The following NFATC2 variants were observed in gnomAD, a reference collection of about 807,000 sequenced individuals.
NFATC2 encodes the protein nuclear factor of activated T-cells, cytoplasmic 2.
NFATC2 carries 22 observed loss-of-function variants against 87.3 expected under a neutral mutation model. The observed-to-expected ratio is 0.25, with a 90% CI of 0.18 to 0.36. The LOEUF (loss-of-function observed/expected upper bound fraction) is 0.36. Among genes scored for constraint, NFATC2 ranks in the 10% least tolerant of loss-of-function variants. The pLI is 1.00. For synonymous variants in NFATC2, 565 were observed against 542.2 expected (o/e 1.04, Z -0.58); for missense variants, 1,149 against 1,259.1 (o/e 0.91, Z 1.32).
intron 9 of NFATC2, among the ~76,000 whole-genome samples, chr20:51,424,980 A>G (rs531054554): frequency 1.6e-4 from 24 of 152,232 alleles, no homozygotes; most frequent in African/African-American, 5.5e-4. Flanking sequence ...TGGCCCTGCA[A>G]AGGGCTATGG....
chr20:51,531,118 G>A (rs922551490), intron 1 of NFATC2, among the ~76,000 whole-genome samples: 9 of 152,152 alleles, frequency 5.9e-5, no homozygotes, highest in African/African-American at 1.4e-4. Flanking sequence ...CCCTCTCCCC[G>A]TTGTGGCAAC....
At chr20:51,509,455 C>T (rs565570938) in intron 3 of NFATC2, among the ~76,000 whole-genome samples, 28 of 152,128 alleles carry the variant, frequency 1.8e-4, no homozygotes, top group Non-Finnish European at 3.1e-4. Context: ...GATCTCAGAA[C>T]ATTCTCCTCC....
intron 9 of NFATC2, among the ~76,000 whole-genome samples, chr20:51,408,885 G>C (rs565895604): frequency 1.3e-5 from 2 of 152,304 alleles, no homozygotes; most frequent in East Asian, 3.9e-4. Flanking sequence ...TTCTAATTCA[G>C]CAGGACTGGG....
In NFATC2 at chr20:51,523,152, C is replaced by G. The variant is rs115260036; in HGVS notation, c.1089G>C (p.Ser363=). The G allele has an allele frequency of 6.2e-7, 1 of 1,614,120 alleles. No homozygotes were observed. The highest frequency in any genetic ancestry group is 8.5e-7 in the Non-Finnish European group (1 of 1,180,058). Residue 363 remains serine (S), a synonymous_variant, in exon 2 of 11, where the codon TCG becomes TCC. Coordinates refer to ENST00000371564, the MANE Select transcript of NFATC2 (RefSeq NM_012340.5). The surrounding 1 kb of genome is among the most constrained non-coding windows in gnomAD (Gnocchi z 6.9). ...GAACCAGCAGGATGGATTCTGGAGC[C>G]GAGTTTCTCCTCTCGCCCTGCTCGC... ...GPCEQGERRN[S]APESILLVPP...
chr20:51,472,827 G>C (rs927463196), intron 5 of NFATC2, among the ~76,000 whole-genome samples: 4 of 152,016 alleles, frequency 2.6e-5, no homozygotes, highest in Admixed American at 6.6e-5. Flanking sequence ...TAGAGATGGG[G>C]TTTCACCATG....
chr20:51,540,268 C>T (rs2076785238), intron 1 of NFATC2, among the ~76,000 whole-genome samples: 1 of 152,140 alleles, frequency 6.6e-6, no homozygotes, highest in Non-Finnish European at 1.5e-5. Context: ...CCGCCTCAGC[C>T]TCCCAAAGTG....
intron 9 of NFATC2, among the ~76,000 whole-genome samples, chr20:51,415,617 C>T (rs942632219): frequency 3.5e-4 from 54 of 152,292 alleles, no homozygotes; most frequent in African/African-American, 1.2e-3. Flanking sequence ...TGGGCCAGCA[C>T]ACCTCTAAAG....
At chr20:51,420,973 A>T (rs1295124996) in intron 9 of NFATC2, among the ~76,000 whole-genome samples, 1 of 151,708 alleles carries the variant, frequency 6.6e-6, no homozygotes, top group Non-Finnish European at 1.5e-5. Context: ...AGGCAGGAAG[A>T]TTGTTTGAGC....
intron 1 of NFATC2, among the ~76,000 whole-genome samples, chr20:51,526,050 A>G (rs2076540899): frequency 6.6e-6 from 1 of 151,462 alleles, no homozygotes; most frequent in Admixed American, 6.6e-5. Flanking sequence ...TCCCCGCGAG[A>G]TCCTCCCACT....
chr20:51,466,304 C>G (rs138309338), intron 5 of NFATC2, among the ~76,000 whole-genome samples: 3,592 of 152,274 alleles, frequency 0.024, 71 homozygotes, highest in Non-Finnish European at 0.033. Flanking sequence ...CTGCCCACTT[C>G]AGCCTCCCAA....
At chr20:51,473,894 A>G in intron 5 of NFATC2, 86 bp downstream of exon 5, 1 of 1,439,974 alleles carries the variant, frequency 6.9e-7, no homozygotes, top group East Asian at 2.3e-5. Flanking sequence ...CACCCCGGGT[A>G]CCTCGCCCAG....
At chr20:51,461,913 C>T (rs12624960) in intron 5 of NFATC2, among the ~76,000 whole-genome samples, 15,214 of 151,806 alleles carry the variant, frequency 0.1, 1,156 homozygotes, top group African/African-American at 0.2. Context: ...GTCAGAACTT[C>T]GAGACCAGCC....
upstream of NFATC2, among the ~76,000 whole-genome samples, chr20:51,543,911 C>G (rs2076863303): frequency 6.6e-6 from 1 of 151,258 alleles, no homozygotes; most frequent in South Asian, 2.1e-4. Context: ...TTAGAATCAC[C>G]TGGGACACCT....
At chr20:51,447,412 G>A (rs1457326162) in intron 6 of NFATC2, among the ~76,000 whole-genome samples, 1 of 152,232 alleles carries the variant, frequency 6.6e-6, no homozygotes, top group Non-Finnish European at 1.5e-5. Context: ...GACACACAGA[G>A]CCAGGGAGCT....
At chr20:51,454,497 C>T in intron 6 of NFATC2, 51 bp downstream of exon 6, 1 of 1,601,138 alleles carries the variant, frequency 6.2e-7, no homozygotes, top group Non-Finnish European at 8.5e-7. Context: ...AAGAGATGGT[C>T]ACTTTTGCAT....
intron 9 of NFATC2, 50 bp from the exon 10 acceptor site, chr20:51,398,780 TTTGATCTCTC>T (rs769827674): frequency 2.4e-6 from 3 of 1,274,162 alleles, no homozygotes; most frequent in Non-Finnish European, 3.4e-6. Context: ...AAAAATCACC[TTTGATCTCTC>T]TTACGCTTCC....
In NFATC2 at chr20:51,435,095, A is replaced by G. The variant is rs145618342; in HGVS notation, c.2032+93T>C. On this transcript the variant is annotated intron_variant, in intron 8 of 10. Transcript: ENST00000371564. Reference sequence around the variant, plus strand: ...TCAGAGAGGTTGAGTCATCTGTCCAAAGTTACCCGGCTAGGAGCAGACTTC... The same window carrying G: ...TCAGAGAGGTTGAGTCATCTGTCCAGAGTTACCCGGCTAGGAGCAGACTTC... The G allele has an allele frequency of 3.3e-4, 498 of 1,518,580 alleles. 4 individuals carry two copies. In the African/African-American group the frequency reaches 6.2e-3, roughly 19 times the overall value. The allele number at this position is 1,518,580 out of a possible 1,614,324, so 94.1% of individuals were successfully genotyped here.
rs776148054 is a variant in NFATC2 at position 51,473,972 on chromosome 20, C to G, written c.1708+8G>C. On this transcript the variant is annotated splice_region_variant and intron_variant, in intron 5 of 10. Transcript: ENST00000371564. Reference sequence around the variant, plus strand: ...TGAAGAAAGACCGGGCCCCAGGGCCCAACTTACAGCACTCGATGGGGTTAG... The same window carrying G: ...TGAAGAAAGACCGGGCCCCAGGGCCGAACTTACAGCACTCGATGGGGTTAG... 4 of 1,611,122 alleles carry G rather than the reference C, an allele frequency of 2.5e-6. No individual in the cohort carries two copies. Among genetic ancestry groups the G allele is most frequent in the Non-Finnish European group, 3.4e-6 (4 of 1,177,740 alleles).
chr20:51,444,940 G>A (rs1407217987), intron 6 of NFATC2, among the ~76,000 whole-genome samples: 1 of 152,040 alleles, frequency 6.6e-6, no homozygotes, highest in Non-Finnish European at 1.5e-5. Context: ...TGATTCCCGA[G>A]TCTCCTGCCC....
Sources: allele counts gnomAD v4.1 joint callset (sites outside exome capture counted in the v4.1 genomes callset), GRCh38; gene constraint gnomAD v4.1.1; non-coding constraint Gnocchi (gnomAD v3.1); transcripts MANE v1.5; gene names NCBI Gene and HGNC (gene_info 2026-07-23, HGNC 2026-07-21).